The following KCNQ5 variants were observed in gnomAD, a reference collection of about 807,000 sequenced individuals.
KCNQ5 encodes the protein potassium voltage-gated channel subfamily Q member 5, also known as potassium voltage-gated channel subfamily KQT member 5.
In KCNQ5, 30 loss-of-function variants were observed where a neutral mutation model predicts 98.2. The observed-to-expected ratio is 0.31, with a 90% CI of 0.23 to 0.41. KCNQ5 has a LOEUF of 0.41. Ranked by LOEUF, KCNQ5 falls within the 10% of genes least tolerant of loss-of-function variation. The pLI is 1.00. For missense variants in KCNQ5, 835 were observed against 1,182.5 expected (o/e 0.71, Z 4.31); for synonymous variants, 458 against 449.4 (o/e 1.02, Z -0.24).
At chr6:73,029,793 C>T (rs774724289) in intron 2 of KCNQ5, among the ~76,000 whole-genome samples, 1 of 148,508 alleles carries the variant, frequency 6.7e-6, no homozygotes, top group Non-Finnish European at 1.5e-5. Context: ...ATTAGCTGGG[C>T]GTAGCTACTC....
At chr6:73,054,381 A>G (rs1294957825) in intron 3 of KCNQ5, among the ~76,000 whole-genome samples, 1 of 152,132 alleles carries the variant, frequency 6.6e-6, no homozygotes, top group East Asian at 1.9e-4. Context: ...GCAGGGACAC[A>G]ACAACAACAA....
chr6:73,180,981 TAATTTAGAGGATTGG>T (rs1778386699), intron 11 of KCNQ5, among the ~76,000 whole-genome samples: 1 of 152,174 alleles, frequency 6.6e-6, no homozygotes, highest in Non-Finnish European at 1.5e-5. Context: ...ATTTTTACCC[TAATTTAGAGGATTGG>T]AATAAGACTT....
chr6:73,131,453 A>G (rs1776235472), intron 9 of KCNQ5, among the ~76,000 whole-genome samples: 1 of 152,206 alleles, frequency 6.6e-6, no homozygotes, highest in Non-Finnish European at 1.5e-5. Context: ...GACCAATTGT[A>G]ATGATATCTA....
intron 1 of KCNQ5, among the ~76,000 whole-genome samples, chr6:72,955,216 C>T (rs192349142): frequency 6.6e-4 from 100 of 152,252 alleles, no homozygotes; most frequent in African/African-American, 2.3e-3. Flanking sequence ...CTAAAGTGAA[C>T]CTGCTTGTCC....
rs1402631366 is a variant in KCNQ5, at chr6:73,192,711, G to T, written c.1836+20G>T. ...AAACAGGTACAACTCAACTACGCTG[G>T]GTATCTTTTTAGCCAGAATTTTTTT... is the stretch of plus-strand genomic sequence containing the variant. On this transcript the variant is annotated intron_variant, in intron 13 of 13. Coordinates refer to ENST00000370398, the MANE Select transcript of KCNQ5 (RefSeq NM_019842.4). 7.2e-6 allele frequency: 11 copies of T among 1,520,076 alleles called. No individual in the cohort carries two copies. The highest frequency in any genetic ancestry group is 1.4e-5 in the African/African-American group (1 of 70,672). 94.2% of individuals were successfully genotyped at this position (1,520,076 alleles called of 1,614,324 possible). A position where few individuals can be genotyped will look rare whatever the true frequency, so the allele number is the denominator to read the frequency against.
In KCNQ5 at chr6:73,043,219, A is replaced by G. The variant is rs554780630; in HGVS notation, c.616+1157A>G. 1.0e-3 allele frequency: 343 copies of G among 343,672 alleles called. 3 individuals are homozygous for G. Among genetic ancestry groups the G allele is most frequent in the South Asian group, 8.2e-3 (323 of 39,354 alleles). The allele number at this position is 343,672 out of a possible 1,614,324, so 21.3% of individuals were successfully genotyped here. ...ATTCCATACTTCTTTCATAGTATGC[A>G]CATCTCAAAAGTCTCCACTTATTAA... On this transcript the variant is annotated intron_variant, in intron 3 of 13. Coordinates refer to ENST00000370398, the MANE Select transcript of KCNQ5 (RefSeq NM_019842.4).
intron 13 of KCNQ5, 150 bp from the exon 14 acceptor site, chr6:73,194,302 T>TTCAC (rs1765702938): frequency 1.5e-6 from 1 of 686,992 alleles, no homozygotes; most frequent in Non-Finnish European, 2.4e-6. Flanking sequence ...AAATGTTACA[T>TTCAC]TCACTAAGGG....
intron 1 of KCNQ5, among the ~76,000 whole-genome samples, chr6:72,794,199 T>G (rs1024017613): frequency 6.6e-6 from 1 of 152,228 alleles, no homozygotes; most frequent in Non-Finnish European, 1.5e-5. Flanking sequence ...CCGAAAGTGA[T>G]AAATGAACAT....
At chr6:72,739,612 C>CT (rs1376327906) in intron 1 of KCNQ5, among the ~76,000 whole-genome samples, 1 of 152,188 alleles carries the variant, frequency 6.6e-6, no homozygotes, top group Non-Finnish European at 1.5e-5. Context: ...ACAGAAACCA[C>CT]TTTTTACAAA....
chr6:73,141,684 G>A (rs1007745342), intron 10 of KCNQ5, among the ~76,000 whole-genome samples: 2 of 152,166 alleles, frequency 1.3e-5, no homozygotes, highest in African/African-American at 4.8e-5. Context: ...TTCGAGTGCT[G>A]CCTTAACCAT....
rs373361995 is a variant in KCNQ5 at position 73,024,897 on chromosome 6, T to G, written c.490-17039T>G. On this transcript the variant is annotated intron_variant, in intron 2 of 13. Coordinates refer to ENST00000370398, the MANE Select transcript of KCNQ5 (RefSeq NM_019842.4). ...ACTGCCCACCTTCCCACCAGCACAG[T>G]GTCTCTCCTCAATACTCAAAGATTT... Among the ~76,000 whole-genome samples the G allele has an allele frequency of 8.5e-5, 13 of 152,342 alleles. No homozygotes were observed. In the East Asian group the frequency reaches 9.6e-4, roughly 11 times the overall value.
At chr6:72,661,573 T>A (rs958065794) in intron 1 of KCNQ5, among the ~76,000 whole-genome samples, 1 of 152,164 alleles carries the variant, frequency 6.6e-6, no homozygotes, top group Non-Finnish European at 1.5e-5. Context: ...TCAGCCTGAC[T>A]TTTTTAGTAT....
intron 1 of KCNQ5, among the ~76,000 whole-genome samples, chr6:72,838,949 C>CAAAAAAAAAAAAAAAA (rs67894922): frequency 1.7e-5 from 1 of 58,712 alleles, no homozygotes; most frequent in African/African-American, 6.3e-5. Flanking sequence ...GACTCCGTCT[C>CAAAAAAAAAAAAAAAA]AAAAAAAAAA....
chr6:73,074,658 A>G (rs1017490581), intron 3 of KCNQ5, among the ~76,000 whole-genome samples: 2 of 151,932 alleles, frequency 1.3e-5, no homozygotes, highest in African/African-American at 4.8e-5. Flanking sequence ...AATACAATAT[A>G]TGCTTTTTCT....
chr6:72,699,093 G>C (rs1156311108), intron 1 of KCNQ5, among the ~76,000 whole-genome samples: 1 of 152,040 alleles, frequency 6.6e-6, no homozygotes, highest in Non-Finnish European at 1.5e-5. Context: ...CACTGTTTTG[G>C]CTGAATCTTA....
At chr6:72,901,020 A>T (rs1454950419) in intron 1 of KCNQ5, among the ~76,000 whole-genome samples, 2 of 151,892 alleles carry the variant, frequency 1.3e-5, no homozygotes, top group Non-Finnish European at 1.5e-5. Flanking sequence ...GTACATGTGC[A>T]CAACATGCAG....
At chr6:72,698,648 CTTT>C (rs753567095) in intron 1 of KCNQ5, among the ~76,000 whole-genome samples, 2 of 94,002 alleles carry the variant, frequency 2.1e-5, no homozygotes, top group South Asian at 4.3e-4. Flanking sequence ...TCTTCTTCTT[CTTT>C]TTTTTTTTTT....
intron 1 of KCNQ5, among the ~76,000 whole-genome samples, chr6:72,756,914 A>G (rs1192857476): frequency 1.3e-5 from 2 of 152,128 alleles, no homozygotes; most frequent in African/African-American, 2.4e-5. Context: ...AATCTGTACT[A>G]CATACAAACG....
chr6:73,132,469 T>G (rs1043718883), intron 9 of KCNQ5, among the ~76,000 whole-genome samples: 1 of 152,256 alleles, frequency 6.6e-6, no homozygotes, highest in Non-Finnish European at 1.5e-5. Context: ...CCCTTAGCTG[T>G]GTTGCTATGT....
Sources: gnomAD v4.1 joint callset for allele counts (sites outside exome capture counted in the v4.1 genomes callset) on GRCh38, gnomAD v4.1.1 for gene constraint, MANE v1.5 for transcripts, NCBI Gene and HGNC (gene_info 2026-07-23, HGNC 2026-07-21) for gene names.